The following CUX2 variants were observed in gnomAD, a reference collection of about 807,000 sequenced individuals.
CUX2 encodes cut like homeobox 2, also known as homeobox protein cut-like 2.
Under a neutral mutation model 144.8 loss-of-function variants are expected in CUX2, and 40 were observed. That is an observed-to-expected ratio of 0.28 (90% confidence interval 0.21 to 0.36). The LOEUF is 0.36. Ranked by LOEUF, CUX2 falls within the 10% of genes least tolerant of loss-of-function variation. The probability of loss-of-function intolerance (pLI) is 1.00; values close to 1 mark genes in which losing one functional copy is unlikely to be tolerated. For missense variants in CUX2, 1,615 were observed against 1,994.0 expected, an observed-to-expected ratio of 0.81 and a Z score of 3.62; for synonymous variants, 827 against 875.6, an observed-to-expected ratio of 0.94 and a Z score of 0.98.
In CUX2 at chr12:111,186,735, G is replaced by T. The variant is rs1879555978; in HGVS notation, c.64-27465G>T. 6.6e-6 allele frequency among the ~76,000 whole-genome samples: 1 copy of T among 152,086 alleles called. No homozygotes were observed. The highest frequency in any genetic ancestry group is 2.1e-4 in the South Asian group (1 of 4,824). On this transcript the variant is annotated intron_variant, in intron 1 of 21. Coordinates refer to ENST00000261726, the MANE Select transcript of CUX2 (RefSeq NM_015267.4). This position sits in a 1 kb window ranked among gnomAD's most constrained non-coding sequence, Gnocchi z 4.4. ...GATGGTGATGGTGCATACCTGAGAG[G>T]GTCGCTGAGACATGTGCAGGTATTA...
chr12:111,062,989 G>A (rs1870848479), intron 1 of CUX2, among the ~76,000 whole-genome samples: 1 of 152,176 alleles, frequency 6.6e-6, no homozygotes, highest in South Asian at 2.1e-4. Flanking sequence ...TGTAGGCCCT[G>A]CTGAGGTCGT....
chr12:111,319,518 C>G (rs1339021374), intron 16 of CUX2, among the ~76,000 whole-genome samples: 1 of 151,088 alleles, frequency 6.6e-6, no homozygotes, highest in Non-Finnish European at 1.5e-5. Flanking sequence ...GTGTAGATCA[C>G]TTGAGCTCAG....
At chr12:111,331,127 C>T (rs1888105309) in intron 18 of CUX2, among the ~76,000 whole-genome samples, 1 of 151,812 alleles carries the variant, frequency 6.6e-6, no homozygotes, top group Admixed American at 6.6e-5. Flanking sequence ...CAAGGGAGTT[C>T]AGAGCCTTAA....
At chr12:111,201,292 C>T (rs557559667) in intron 1 of CUX2, among the ~76,000 whole-genome samples, 13 of 152,302 alleles carry the variant, frequency 8.5e-5, no homozygotes, top group South Asian at 2.1e-4. Context: ...CTTGCCCGCA[C>T]GGTTCCCTGC....
chr12:111,076,350 T>A (rs916713205), intron 1 of CUX2, among the ~76,000 whole-genome samples: 9 of 152,234 alleles, frequency 5.9e-5, no homozygotes, highest in Non-Finnish European at 1.0e-4. Context: ...AGTTGAATAA[T>A]TCCCATGTGC....
chr12:111,264,612 GT>G (rs2136292520), intron 4 of CUX2, among the ~76,000 whole-genome samples: 1 of 152,284 alleles, frequency 6.6e-6, no homozygotes, highest in South Asian at 2.1e-4. Context: ...AGGTGTGGTG[GT>G]GGGCACCTGT....
At chr12:111,169,502 A>G (rs1878379699) in intron 1 of CUX2, among the ~76,000 whole-genome samples, 1 of 152,222 alleles carries the variant, frequency 6.6e-6, no homozygotes, top group Non-Finnish European at 1.5e-5. Context: ...TTATTCAAAG[A>G]TAGCCAATCG....
chr12:111,137,685 T>C lies in CUX2; in HGVS notation c.64-76515T>C, dbSNP rs74627684. ...CATGCCACCATACCCAGCTAATTTT[T>C]AAATTTTTTCATAGAGATTGGGTCT... is the stretch of plus-strand genomic sequence containing the variant. On this transcript the variant is annotated intron_variant, in intron 1 of 21. Coordinates refer to ENST00000261726, the MANE Select transcript of CUX2 (RefSeq NM_015267.4). Among the ~76,000 whole-genome samples, 801 of 152,150 alleles carry C rather than the reference T, an allele frequency of 5.3e-3. 17 individuals carry two copies. The East Asian group carries it at 0.093, about 18-fold the overall frequency.
At chr12:111,191,131 C>A (rs142361250) in intron 1 of CUX2, among the ~76,000 whole-genome samples, 8 of 152,250 alleles carry the variant, frequency 5.3e-5, no homozygotes, top group Non-Finnish European at 7.4e-5. Flanking sequence ...CAGGCAAGTG[C>A]TAACCTGTCT....
At chr12:111,305,884 T>TTG (rs1344981730) in intron 10 of CUX2, among the ~76,000 whole-genome samples, 1 of 151,908 alleles carries the variant, frequency 6.6e-6, no homozygotes, top group Non-Finnish European at 1.5e-5. Context: ...GCGTGTGTAT[T>TTG]TGTGTGTGTG....
chr12:111,145,116 C>G (rs765232619), intron 1 of CUX2, among the ~76,000 whole-genome samples: 1 of 152,174 alleles, frequency 6.6e-6, no homozygotes, highest in Non-Finnish European at 1.5e-5. Context: ...TCCCTGCAAC[C>G]CTCTTTCCTC....
intron 3 of CUX2, among the ~76,000 whole-genome samples, chr12:111,229,970 T>C (rs974355934): frequency 1.4e-5 from 2 of 145,766 alleles, no homozygotes; most frequent in Non-Finnish European, 3.0e-5. Flanking sequence ...ACTGAGATCG[T>C]GCCACTGCAC....
intron 1 of CUX2, among the ~76,000 whole-genome samples, chr12:111,161,239 C>A (rs573357587): frequency 6.6e-6 from 1 of 152,094 alleles, no homozygotes; most frequent in South Asian, 2.1e-4. Flanking sequence ...TGGGCAACAC[C>A]CATTAAAGGG....
At chr12:111,101,892 C>T (rs1873265707) in intron 1 of CUX2, among the ~76,000 whole-genome samples, 1 of 152,134 alleles carries the variant, frequency 6.6e-6, no homozygotes, top group Admixed American at 6.5e-5. Context: ...CAAAATCGGG[C>T]TAAATACAGT....
chr12:111,275,911 AT>A (rs1884852677), intron 4 of CUX2, among the ~76,000 whole-genome samples: 1 of 152,116 alleles, frequency 6.6e-6, no homozygotes, highest in Non-Finnish European at 1.5e-5. Context: ...GAAAATTCAG[AT>A]TCAGTAACAT....
intron 19 of CUX2, among the ~76,000 whole-genome samples, chr12:111,335,578 G>T (rs1372368798): frequency 6.6e-6 from 1 of 151,902 alleles, no homozygotes; most frequent in Non-Finnish European, 1.5e-5. Flanking sequence ...GGGTGTGGTG[G>T]CATGCACTTG....
At chr12:111,051,141 T>C (rs1399127992) in intron 1 of CUX2, among the ~76,000 whole-genome samples, 2 of 152,190 alleles carry the variant, frequency 1.3e-5, no homozygotes, top group Non-Finnish European at 2.9e-5. Context: ...AAAATGCATT[T>C]TGTTTTAAAA....
chr12:111,129,120 C>A (rs142872495), intron 1 of CUX2, among the ~76,000 whole-genome samples: 169 of 152,346 alleles, frequency 1.1e-3, no homozygotes, highest in Non-Finnish European at 2.2e-3. Context: ...CTGTGGAGCC[C>A]TAGATATTTC....
At chr12:111,188,136 C>T (rs557299615) in intron 1 of CUX2, among the ~76,000 whole-genome samples, 8 of 152,386 alleles carry the variant, frequency 5.2e-5, no homozygotes, top group African/African-American at 1.9e-4. Context: ...CTCCAGGCCA[C>T]TTCTGGCCTT....
Sources: gnomAD v4.1 joint callset for allele counts (sites outside exome capture counted in the v4.1 genomes callset) on GRCh38, gnomAD v4.1.1 for gene constraint, Gnocchi (gnomAD v3.1) non-coding constraint, MANE v1.5 for transcripts, NCBI Gene and HGNC (gene_info 2026-07-23, HGNC 2026-07-21) for gene names.